The following TGM6 variants were observed in gnomAD, a reference collection of about 807,000 sequenced individuals.
TGM6 encodes the protein protein-glutamine gamma-glutamyltransferase 6.
TGM6 carries 74 observed loss-of-function variants against 77.5 expected under a neutral mutation model. The observed-to-expected ratio is 0.96, with a 90% CI of 0.79 to 1.16. The LOEUF (loss-of-function observed/expected upper bound fraction) is 1.16. Among genes scored for constraint, TGM6 ranks in the 50% most tolerant of loss-of-function variants. TGM6 has a pLI of 0.00. For synonymous variants in TGM6, 383 were observed against 378.9 expected, an observed-to-expected ratio of 1.01 and a Z score of -0.12; for missense variants, 968 against 940.2, an observed-to-expected ratio of 1.03 and a Z score of -0.39.
intron 9 of TGM6, among the ~76,000 whole-genome samples, chr20:2,416,832 C>G (rs2084819457): frequency 6.6e-6 from 1 of 152,218 alleles, no homozygotes; most frequent in Non-Finnish European, 1.5e-5. Context: ...AGCTCCCTCA[C>G]TTACCACATA....
chr20:2,397,994 A>T lies in TGM6; in HGVS notation c.620A>T (p.Asp207Val). 6.2e-7 allele frequency: 1 copy of T among 1,614,094 alleles called. No individual in the cohort carries two copies. Among genetic ancestry groups the T allele is most frequent in the Non-Finnish European group, 8.5e-7 (1 of 1,179,992 alleles). ...GGTCACCAAAACAACCCAGCCACCG[A>T]CGTGTCCTGCCGCCACAACCCCATC... ...SPGHQNNPAT[D>V]VSCRHNPIYV... The change falls in exon 5 of 13, where the codon GAC becomes GTC. Residue 207 changes from aspartate to valine, a missense_variant. Physicochemically the swap from Asp to Val is radical, Grantham distance 152. Transcript: ENST00000202625.
intron 5 of TGM6, 120 bp from the exon 6 acceptor site, chr20:2,399,441 A>T: frequency 7.2e-7 from 1 of 1,397,860 alleles, no homozygotes; most frequent in Non-Finnish European, 1.0e-6. Context: ...TCAGACAGTT[A>T]AAAAGCAAGA....
At chr20:2,395,835 T>C (rs1019240224) in intron 3 of TGM6, among the ~76,000 whole-genome samples, 3 of 152,216 alleles carry the variant, frequency 2.0e-5, no homozygotes, top group Non-Finnish European at 2.9e-5. Context: ...ATGTATGAGA[T>C]ACATCATAAG....
rs1344124168 is a variant in TGM6, at chr20:2,403,866, C to T, written c.1336+43C>T. On this transcript the variant is annotated intron_variant, in intron 9 of 12. Transcript: ENST00000202625. Reference sequence around the variant, plus strand: ...GCCTTTATTACCTTCCCCCGGATGGCCCATCAGCTGCAGAGGGCCCACTGC... The same window carrying T: ...GCCTTTATTACCTTCCCCCGGATGGTCCATCAGCTGCAGAGGGCCCACTGC... 3.7e-6 allele frequency: 6 copies of T among 1,613,388 alleles called. No homozygotes were observed. In the East Asian group the frequency reaches 1.3e-4, roughly 36 times the overall value.
intron 7 of TGM6, among the ~76,000 whole-genome samples, chr20:2,400,932 A>G (rs1162060194): frequency 6.6e-6 from 1 of 152,070 alleles, no homozygotes; most frequent in Non-Finnish European, 1.5e-5. Context: ...CCAGCTACTC[A>G]GGAGGCTAAG....
At chr20:2,426,997 T>C (rs1031972618) in intron 10 of TGM6, among the ~76,000 whole-genome samples, 3 of 152,188 alleles carry the variant, frequency 2.0e-5, no homozygotes, top group Admixed American at 2.0e-4. Context: ...GGCATTAAGG[T>C]AATGCTGGCC....
chr20:2,392,640 C>T (rs2084636623), intron 1 of TGM6, among the ~76,000 whole-genome samples: 1 of 152,204 alleles, frequency 6.6e-6, no homozygotes, highest in South Asian at 2.1e-4. Flanking sequence ...GGGCCAGGAA[C>T]AGTGGTCACG....
chr20:2,409,714 A>G (rs2084773209), intron 9 of TGM6, among the ~76,000 whole-genome samples: 1 of 152,042 alleles, frequency 6.6e-6, no homozygotes, highest in African/African-American at 2.4e-5. Context: ...TGTCTCAAAA[A>G]AAAAAAAAGA....
intron 1 of TGM6, among the ~76,000 whole-genome samples, chr20:2,390,926 TGGCTTAAA>T (rs2084625409): frequency 6.6e-6 from 1 of 151,838 alleles, no homozygotes; most frequent in Non-Finnish European, 1.5e-5. Flanking sequence ...GAGATCAGTG[TGGCTTAAA>T]GGGATGAGAG....
rs749510529 is a variant in TGM6 at position 2,394,560 on chromosome 20, G to T, written c.116G>T (p.Ser39Ile). The change falls in exon 2 of 13, where the codon AGC (serine) becomes ATC (isoleucine). Residue 39 changes from serine (S) to isoleucine (I), a missense_variant. Physicochemically the swap from Ser to Ile is moderately radical, Grantham distance 142. Transcript: ENST00000202625. ...GTGGTTCGCAGGGGCCAGTCGTTCA[G>T]CCTCACGCTGGAGCTGAGCAGAGCC... Reference protein sequence around the residue: ...ELVVRRGQSFSLTLELSRALD... With the variant: ...ELVVRRGQSFILTLELSRALD... 2 of 1,612,264 alleles carry T rather than the reference G, an allele frequency of 1.2e-6. No individual in the cohort carries two copies. The highest frequency in any genetic ancestry group is 1.7e-6 in the Non-Finnish European group (2 of 1,179,852).
chr20:2,395,756 T>C (rs1387143580), intron 3 of TGM6, among the ~76,000 whole-genome samples: 1 of 152,184 alleles, frequency 6.6e-6, no homozygotes, highest in African/African-American at 2.4e-5. Context: ...TCCTCATCTG[T>C]AATATGGGAA....
chr20:2,420,555 A>C (rs879720999), intron 10 of TGM6, among the ~76,000 whole-genome samples: 1 of 152,216 alleles, frequency 6.6e-6, no homozygotes, highest in Non-Finnish European at 1.5e-5. Flanking sequence ...CAAATGTATA[A>C]TGACATGTAT....
chr20:2,406,984 C>T (rs772032004), intron 9 of TGM6, among the ~76,000 whole-genome samples: 12 of 151,234 alleles, frequency 7.9e-5, no homozygotes, highest in Non-Finnish European at 1.6e-4. Flanking sequence ...TTTTATTTAA[C>T]AAATGTTTAC....
At chr20:2,406,989 G>A (rs1378287247) in intron 9 of TGM6, among the ~76,000 whole-genome samples, 1 of 151,992 alleles carries the variant, frequency 6.6e-6, no homozygotes, top group Non-Finnish European at 1.5e-5. Context: ...TTTAACAAAT[G>A]TTTACAAAGC....
chr20:2,401,260 A>G (rs545570141), intron 7 of TGM6, among the ~76,000 whole-genome samples: 89 of 152,140 alleles, frequency 5.8e-4, no homozygotes, highest in Non-Finnish European at 6.9e-4. Context: ...TAGGAAAAAC[A>G]TTCATGTGGT....
intron 1 of TGM6, among the ~76,000 whole-genome samples, chr20:2,386,730 C>T (rs2084598783): frequency 6.6e-6 from 1 of 152,082 alleles, no homozygotes; most frequent in African/African-American, 2.4e-5. Flanking sequence ...ACTCATCCCA[C>T]CACCTCCTCT....
intron 4 of TGM6, among the ~76,000 whole-genome samples, chr20:2,397,689 A>T (rs1029487577): frequency 6.6e-6 from 1 of 152,012 alleles, no homozygotes; most frequent in Non-Finnish European, 1.5e-5. Flanking sequence ...GCCACAGGAG[A>T]TTGTTGAGCA....
intron 9 of TGM6, among the ~76,000 whole-genome samples, chr20:2,417,015 GC>G (rs1321519618): frequency 6.6e-6 from 1 of 152,092 alleles, no homozygotes; most frequent in African/African-American, 2.4e-5. Context: ...ATTATCTGAG[GC>G]TTTTGACCCA....
At chr20:2,407,777 A>C (rs2084761769) in intron 9 of TGM6, among the ~76,000 whole-genome samples, 1 of 152,158 alleles carries the variant, frequency 6.6e-6, no homozygotes, top group African/African-American at 2.4e-5. Context: ...ATCTTCGCTG[A>C]GTGGCCTTGG....
Sources: gnomAD v4.1 joint callset for allele counts (sites outside exome capture counted in the v4.1 genomes callset) on GRCh38, gnomAD v4.1.1 for gene constraint, MANE v1.5 for transcripts, NCBI Gene and HGNC (gene_info 2026-07-23, HGNC 2026-07-21) for gene names.